Variants in SRP72 observed in about 807,000 individuals in gnomAD.
The protein encoded by SRP72 is signal recognition particle subunit SRP72.
Under a neutral mutation model 96.3 loss-of-function variants are expected in SRP72, and 49 were observed. The ratio of observed to expected loss-of-function variants is 0.51; its 90% CI spans 0.40 to 0.65. SRP72 has a LOEUF of 0.65. SRP72 is among the 30% of genes least tolerant of loss of function. The probability of loss-of-function intolerance (pLI) is 0.00; values close to 1 mark genes in which losing one functional copy is unlikely to be tolerated. For synonymous variants in SRP72, 267 were observed against 275.2 expected, an observed-to-expected ratio of 0.97 and a Z score of 0.30; for missense variants, 736 against 793.3, an observed-to-expected ratio of 0.93 and a Z score of 0.87.
rs1719993014 is a variant in SRP72 at position 56,471,863 on chromosome 4, A to G, written c.354+20A>G. The G allele has an allele frequency of 1.2e-6, 2 of 1,613,194 alleles. No individual in the cohort carries two copies. Among genetic ancestry groups the G allele is most frequent in the Non-Finnish European group, 1.7e-6 (2 of 1,179,518 alleles). ...CAAGTGGTAATTACTGCTTTTAAAT[A>G]CATGTTGACAGTGATACTGAGTGAG... is the stretch of plus-strand genomic sequence containing the variant. On this transcript the variant is annotated intron_variant, in intron 3 of 18. Transcript: ENST00000642900.
chr4:56,502,092 A>AT lies in SRP72; in HGVS notation c.*234dup, dbSNP rs1372382144. On this transcript the variant is annotated 3_prime_UTR_variant, in exon 19 of 19. Coordinates refer to ENST00000642900, the MANE Select transcript of SRP72 (RefSeq NM_006947.4). The stretch of plus-strand genomic sequence containing the variant: ...TTATGAGGACTGAAAATAATTGGGC[A>AT]TTTACCCATCTTGGTATCTGTTGTA... 2.0e-6 allele frequency: 1 copy of AT among 494,410 alleles called. No homozygotes were observed. Among genetic ancestry groups the AT allele is most frequent in the Non-Finnish European group, 3.7e-6 (1 of 269,034 alleles). The allele number at this position is 494,410 out of a possible 1,614,324, so 30.6% of individuals were successfully genotyped here. A position where few individuals can be genotyped will look rare whatever the true frequency, so the allele number is the denominator to read the frequency against.
In SRP72 at chr4:56,483,133, T is replaced by G. The variant is rs766707876; in HGVS notation, c.826-6T>G. ...TGTTAATGATAGATAAACTTTTCTT[T>G]GTTAGGACCAAAATGTCTTTGACTC... is the stretch of plus-strand genomic sequence containing the variant. On this transcript the variant is annotated splice_polypyrimidine_tract_variant and splice_region_variant and intron_variant, in intron 8 of 18. Transcript: ENST00000642900. 2 of 1,606,702 alleles carry G rather than the reference T, an allele frequency of 1.2e-6. No individual in the cohort carries two copies. The highest frequency in any genetic ancestry group is 2.3e-4 in the Middle Eastern group (1 of 4,420).
In SRP72 at chr4:56,484,026, A is replaced by ATTT. The variant is rs539665243; in HGVS notation, c.958-687_958-685dup. Among the ~76,000 whole-genome samples the ATTT allele has an allele frequency of 7.9e-4, 68 of 86,604 alleles. 3 individuals are homozygous for ATTT. The highest frequency in any genetic ancestry group is 1.7e-3 in the South Asian group (4 of 2,340). The allele number at this position is 86,604 out of a possible 152,430, so 56.8% of individuals were successfully genotyped here. On this transcript the variant is annotated intron_variant, in intron 9 of 18. Coordinates refer to ENST00000642900, the MANE Select transcript of SRP72 (RefSeq NM_006947.4). The stretch of plus-strand genomic sequence containing the variant: ...TTTAGTGGGAGACAGAGAAGCAGTA[A>ATTT]TTTTTTTTTTTTTTTTTTTTTTTTT...
At position 56,503,434 on chromosome 4, in the gene SRP72, A is replaced by G; in HGVS notation, c.*1573A>G. 1 of 152,246 alleles carries G rather than the reference A, an allele frequency of 6.6e-6. No homozygotes were observed. Among genetic ancestry groups the G allele is most frequent in the African/African-American group, 2.4e-5 (1 of 41,470 alleles). The allele number at this position is 152,246 out of a possible 1,614,324, so 9.4% of individuals were successfully genotyped here. On this transcript the variant is annotated 3_prime_UTR_variant, in exon 19 of 19. Coordinates refer to ENST00000642900, the MANE Select transcript of SRP72 (RefSeq NM_006947.4). ...AATTTAGTTGTCATTATTGACAGGC[A>G]TTGGTATTATTAGTCATTGCTAAGC...
chr4:56,489,293 C>T, intron 12 of SRP72, 95 bp from the exon 13 acceptor site: 1 of 566,906 alleles, frequency 1.8e-6, no homozygotes, highest in Non-Finnish European at 3.1e-6. Context: ...TAGCGGAGAG[C>T]CTTTATTTGC....
rs559742622 is a variant in SRP72, at chr4:56,473,910, A to G, written c.355-144A>G. The G allele has an allele frequency of 5.0e-5, 38 of 753,140 alleles. No homozygotes were observed. In the African/African-American group the frequency reaches 6.3e-4, roughly 13 times the overall value. The allele number at this position is 753,140 out of a possible 1,614,324, so 46.7% of individuals were successfully genotyped here. A position where few individuals can be genotyped will look rare whatever the true frequency, so the allele number is the denominator to read the frequency against. Reference sequence around the variant, plus strand: ...GTATGACTAGTACATGGAACTATTTAAAAATTATAAAACATAAACAGTTGA... The same window carrying G: ...GTATGACTAGTACATGGAACTATTTGAAAATTATAAAACATAAACAGTTGA... On this transcript the variant is annotated intron_variant, in intron 3 of 18. Coordinates refer to ENST00000642900, the MANE Select transcript of SRP72 (RefSeq NM_006947.4).
chr4:56,497,075 T>C (rs765773339), intron 17 of SRP72, among the ~76,000 whole-genome samples: 1 of 152,166 alleles, frequency 6.6e-6, no homozygotes, highest in Non-Finnish European at 1.5e-5. Context: ...AACGTATCAT[T>C]AGGTACTCAA....
chr4:56,481,776 T>TC lies in SRP72; in HGVS notation c.826-1363_826-1362insC, dbSNP rs1400543187. Among the ~76,000 whole-genome samples the TC allele has an allele frequency of 4.0e-5, 6 of 150,002 alleles. No homozygotes were observed. In the South Asian group the frequency reaches 1.1e-3, roughly 26 times the overall value. On this transcript the variant is annotated intron_variant, in intron 8 of 18. Coordinates refer to ENST00000642900, the MANE Select transcript of SRP72 (RefSeq NM_006947.4). ...AGCATATCTGTTGGCTCCTTTTTTT[T>TC]TTTTTTTTTTTTTAAGATGGAGTCT...
At chr4:56,478,555 G>C (rs372573413) in intron 7 of SRP72, 37 bp from the exon 8 acceptor site, 203 of 1,612,338 alleles carry the variant, frequency 1.3e-4, no homozygotes, top group Non-Finnish European at 1.7e-4. Context: ...TCTTTTTAAA[G>C]GTTTGTTTGG....
chr4:56,476,748 A>G (rs747387078), intron 6 of SRP72, 46 bp downstream of exon 6: 9 of 1,579,702 alleles, frequency 5.7e-6, no homozygotes, highest in Non-Finnish European at 7.8e-6. Context: ...ACTTCTGACT[A>G]TGATAGATTA....
intron 17 of SRP72, among the ~76,000 whole-genome samples, chr4:56,496,844 C>T (rs919895690): frequency 1.3e-5 from 2 of 151,996 alleles, no homozygotes; most frequent in African/African-American, 2.4e-5. Flanking sequence ...AAAAATTAGC[C>T]GAGCAGTACT....
At chr4:56,493,283 G>T (rs535149671) in intron 16 of SRP72, among the ~76,000 whole-genome samples, 2 of 151,870 alleles carry the variant, frequency 1.3e-5, no homozygotes, top group African/African-American at 4.8e-5. Flanking sequence ...TGATCCACCC[G>T]CCTCAGCCTC....
At chr4:56,488,123 G>A in intron 12 of SRP72, 110 bp downstream of exon 12, 1 of 679,804 alleles carries the variant, frequency 1.5e-6, no homozygotes, top group Non-Finnish European at 2.4e-6. Context: ...TAAGGTAGGA[G>A]TAGTAATTAT....
intron 13 of SRP72, 28 bp from the exon 14 acceptor site, chr4:56,490,304 CT>C (rs755429072): frequency 4.0e-5 from 63 of 1,566,750 alleles, no homozygotes; most frequent in Middle Eastern, 1.7e-4. Flanking sequence ...TAACTTGAAA[CT>C]TTTTTTTTCT....
At chr4:56,484,907 T>A (rs1720647731) in intron 10 of SRP72, 43 bp downstream of exon 10, 1 of 1,591,966 alleles carries the variant, frequency 6.3e-7, no homozygotes, top group East Asian at 2.2e-5. Context: ...TTTGCAGCTT[T>A]GTTTCATTTT....
intron 7 of SRP72, 32 bp downstream of exon 7, chr4:56,478,535 G>A (rs774173992): frequency 6.2e-7 from 1 of 1,612,522 alleles, no homozygotes; most frequent in Admixed American, 1.7e-5. Flanking sequence ...TCTTTTATAG[G>A]GGATGGGGTT....
At chr4:56,467,773 G>GGGC in intron 1 of SRP72, 29 bp downstream of exon 1, 6 of 1,078,562 alleles carry the variant, frequency 5.6e-6, no homozygotes, top group Non-Finnish European at 6.4e-6. Flanking sequence ...ACTGGGGCGG[G>GGGC]CCCAGGCCGG....
In SRP72 at chr4:56,476,701, C is replaced by T; in HGVS notation, c.641C>T (p.Thr214Ile). The T allele has an allele frequency of 1.2e-6, 2 of 1,612,630 alleles. No individual in the cohort carries two copies. The highest frequency in any genetic ancestry group is 1.7e-6 in the Non-Finnish European group (2 of 1,179,698). ...DLCRRSLSED[T>I]DGTEEDPQAE... The stretch of plus-strand genomic sequence containing the variant: ...TGCCGCCGTTCATTATCAGAAGACA[C>T]TGTAAGTATTCCATCATTGTTAAAC... The change falls in exon 6 of 19, where the codon ACT (threonine) becomes ATT (isoleucine). Residue 214 changes from threonine (T) to isoleucine (I), a missense_variant and splice_region_variant. Transcript: ENST00000642900.
intron 10 of SRP72, among the ~76,000 whole-genome samples, chr4:56,485,381 G>A (rs1040101217): frequency 8.3e-6 from 1 of 120,210 alleles, no homozygotes; most frequent in Non-Finnish European, 1.7e-5. Flanking sequence ...AAGAGACACC[G>A]CCCCTTCTCT....
Sources: allele counts gnomAD v4.1 joint callset (sites outside exome capture counted in the v4.1 genomes callset), GRCh38; gene constraint gnomAD v4.1.1; transcripts MANE v1.5; gene names NCBI Gene and HGNC (gene_info 2026-07-23, HGNC 2026-07-21).